The following LUZP2 variants were observed in gnomAD, a reference collection of about 807,000 sequenced individuals.
LUZP2 encodes leucine zipper protein 2.
LUZP2 carries 52 observed loss-of-function variants against 51.6 expected under a neutral mutation model. That is an observed-to-expected ratio of 1.01 (90% CI 0.81 to 1.27). The LOEUF is 1.27. Among genes scored for constraint, LUZP2 ranks in the 50% most tolerant of loss-of-function variants. LUZP2 has a pLI of 0.00. For missense variants in LUZP2, 436 were observed against 395.4 expected (o/e 1.10, Z -0.87); for synonymous variants, 154 against 137.3 (o/e 1.12, Z -0.85).
intron 5 of LUZP2, among the ~76,000 whole-genome samples, chr11:24,834,063 T>A (rs1421127133): frequency 2.0e-5 from 3 of 152,164 alleles, no homozygotes; most frequent in Non-Finnish European, 2.9e-5. Flanking sequence ...AAGTTGGATT[T>A]TTTTTTGTTT....
chr11:24,554,634 T>C (rs1487044640), intron 1 of LUZP2, among the ~76,000 whole-genome samples: 1 of 151,636 alleles, frequency 6.6e-6, no homozygotes, highest in Non-Finnish European at 1.5e-5. Context: ...TGATTAATTA[T>C]ATGAAACCCC....
At chr11:25,045,071 A>AGGGGGGGGGGGGGG (rs370631017) in intron 9 of LUZP2, among the ~76,000 whole-genome samples, 1 of 71,544 alleles carries the variant, frequency 1.4e-5, no homozygotes, top group Non-Finnish European at 2.6e-5. Flanking sequence ...CGGTGGGGGG[A>AGGGGGGGGGGGGGG]GGGGAGGGGT....
At chr11:24,944,543 A>C (rs1854849380) in intron 7 of LUZP2, among the ~76,000 whole-genome samples, 1 of 152,200 alleles carries the variant, frequency 6.6e-6, no homozygotes, top group African/African-American at 2.4e-5. Flanking sequence ...AAAAAATGGA[A>C]AACCTAATAC....
At chr11:24,779,799 G>A (rs1181466970) in intron 5 of LUZP2, among the ~76,000 whole-genome samples, 1 of 152,120 alleles carries the variant, frequency 6.6e-6, no homozygotes, top group Non-Finnish European at 1.5e-5. Flanking sequence ...AATCACAACT[G>A]TCTTTATAAG....
At chr11:24,607,829 A>ATTTT (rs36035163) in intron 1 of LUZP2, among the ~76,000 whole-genome samples, 7 of 145,218 alleles carry the variant, frequency 4.8e-5, no homozygotes, top group African/African-American at 1.3e-4. Flanking sequence ...TCTCTATTTT[A>ATTTT]TTTTTTTTTT....
At chr11:24,923,634 T>A (rs1417223033) in intron 7 of LUZP2, among the ~76,000 whole-genome samples, 3 of 151,894 alleles carry the variant, frequency 2.0e-5, no homozygotes, top group Non-Finnish European at 2.9e-5. Context: ...GAGGCAGAGG[T>A]TGCAGTGAGC....
intron 9 of LUZP2, among the ~76,000 whole-genome samples, chr11:25,022,232 A>G (rs895203811): frequency 2.6e-5 from 4 of 152,000 alleles, no homozygotes; most frequent in Non-Finnish European, 1.5e-5. Flanking sequence ...CATTATAATT[A>G]TTCAAATTGT....
chr11:24,926,233 A>ATGTGTGTG (rs1372611411), intron 7 of LUZP2, among the ~76,000 whole-genome samples: 9 of 147,780 alleles, frequency 6.1e-5, no homozygotes, highest in Non-Finnish European at 1.0e-4. Flanking sequence ...GTGTATATAT[A>ATGTGTGTG]TATGTGTGTG....
chr11:24,794,008 C>G (rs1164386748), intron 5 of LUZP2, among the ~76,000 whole-genome samples: 1 of 152,066 alleles, frequency 6.6e-6, no homozygotes, highest in African/African-American at 2.4e-5. Context: ...ATACAAGGAT[C>G]TATTTTCCCT....
chr11:24,657,492 G>T (rs139440664), intron 1 of LUZP2, among the ~76,000 whole-genome samples: 380 of 152,234 alleles, frequency 2.5e-3, no homozygotes, highest in African/African-American at 8.8e-3. Context: ...GCAAAAACTG[G>T]AGGCATTCCC....
intron 10 of LUZP2, among the ~76,000 whole-genome samples, chr11:25,054,276 G>C (rs1464143381): frequency 6.6e-6 from 1 of 152,152 alleles, no homozygotes; most frequent in African/African-American, 2.4e-5. Flanking sequence ...TTATGTGTCA[G>C]AGCAGAACCT....
intron 8 of LUZP2, among the ~76,000 whole-genome samples, chr11:24,982,511 G>A (rs914220678): frequency 4.9e-4 from 75 of 151,776 alleles, no homozygotes; most frequent in African/African-American, 1.6e-3. Context: ...TGCAGGTACA[G>A]AAAACTAAAT....
chr11:24,772,205 A>C lies in LUZP2; in HGVS notation c.396+8897A>C, dbSNP rs185795665. 1.1e-3 allele frequency among the ~76,000 whole-genome samples: 161 copies of C among 152,350 alleles called. 1 individual carries two copies. The highest frequency in any genetic ancestry group is 3.7e-3 in the African/African-American group (153 of 41,588). On this transcript the variant is annotated intron_variant, in intron 5 of 11. Transcript: ENST00000336930. ...TAAAATAAAAAAAACAATAAAGGTC[A>C]ATAACCAATGATCTAGGGAAAACTC...
rs551942851 is a variant in LUZP2 at position 24,935,326 on chromosome 11, C to G, written c.522+20788C>G. ...CAATCATGAGTCCTTTGGGGAAAATCATTCCCTTTGTGAAGTTGCCTGGGC... is the reference window on the plus strand; with the variant it reads ...CAATCATGAGTCCTTTGGGGAAAATGATTCCCTTTGTGAAGTTGCCTGGGC... On this transcript the variant is annotated intron_variant, in intron 7 of 11. Coordinates refer to ENST00000336930, the MANE Select transcript of LUZP2 (RefSeq NM_001009909.4). Among the ~76,000 whole-genome samples the G allele has an allele frequency of 6.6e-5, 10 of 152,250 alleles. No homozygotes were observed. In the South Asian group the frequency reaches 2.1e-3, roughly 32 times the overall value.
At chr11:24,792,991 C>G (rs551738231) in intron 5 of LUZP2, among the ~76,000 whole-genome samples, 3 of 152,270 alleles carry the variant, frequency 2.0e-5, no homozygotes, top group Admixed American at 2.0e-4. Flanking sequence ...TTTCCAGATT[C>G]ATTGTCTTTC....
chr11:24,652,963 A>T (rs2133966057), intron 1 of LUZP2, among the ~76,000 whole-genome samples: 1 of 152,304 alleles, frequency 6.6e-6, no homozygotes, highest in East Asian at 1.9e-4. Flanking sequence ...ATAGAAATAC[A>T]TGTTTAATGT....
chr11:25,057,580 A>G (rs577302634), intron 10 of LUZP2, among the ~76,000 whole-genome samples: 1 of 152,308 alleles, frequency 6.6e-6, no homozygotes, highest in Admixed American at 6.5e-5. Context: ...ATAGCATATC[A>G]AGAATTAAAG....
At chr11:24,670,937 AG>A (rs1455307343) in intron 1 of LUZP2, among the ~76,000 whole-genome samples, 1 of 151,896 alleles carries the variant, frequency 6.6e-6, no homozygotes, top group Non-Finnish European at 1.5e-5. Flanking sequence ...GAATGAATAT[AG>A]TTTCATACTG....
intron 1 of LUZP2, among the ~76,000 whole-genome samples, chr11:24,539,883 G>T (rs1448719996): frequency 6.6e-6 from 1 of 151,930 alleles, no homozygotes; most frequent in African/African-American, 2.4e-5. Flanking sequence ...CATATTAAAT[G>T]AATCAATAAA....
Sources: allele counts gnomAD v4.1 joint callset (sites outside exome capture counted in the v4.1 genomes callset), GRCh38; gene constraint gnomAD v4.1.1; transcripts MANE v1.5; gene names NCBI Gene and HGNC (gene_info 2026-07-23, HGNC 2026-07-21).